DYNC1I1: variants seen among roughly 807,000 people sequenced by gnomAD.
DYNC1I1 encodes dynein cytoplasmic 1 intermediate chain 1, also known as cytoplasmic dynein 1 intermediate chain 1.
In DYNC1I1, 43 loss-of-function variants were observed where a neutral mutation model predicts 86.6. The ratio of observed to expected loss-of-function variants is 0.50; its 90% confidence interval spans 0.39 to 0.64. The LOEUF (loss-of-function observed/expected upper bound fraction) is 0.64, where lower values mean the gene tolerates loss of function less well. Among genes scored for constraint, DYNC1I1 ranks in the 30% least tolerant of loss-of-function variants. The pLI, the probability that DYNC1I1 is intolerant of heterozygous loss-of-function variation, is 0.00. For synonymous variants in DYNC1I1, 262 were observed against 283.7 expected (o/e 0.92, Z 0.77); for missense variants, 604 against 788.8 (o/e 0.77, Z 2.81).
chr7:96,012,699 A>G (rs919131471), intron 10 of DYNC1I1, among the ~76,000 whole-genome samples: 1 of 152,146 alleles, frequency 6.6e-6, no homozygotes, highest in Non-Finnish European at 1.5e-5. Context: ...CTGAATTTAC[A>G]TATACTTTGA....
chr7:95,816,018 T>TG (rs1188801759), intron 4 of DYNC1I1, among the ~76,000 whole-genome samples: 2 of 151,482 alleles, frequency 1.3e-5, no homozygotes, highest in African/African-American at 4.9e-5. Flanking sequence ...TTATTGATTT[T>TG]TTTTTTTTTT....
chr7:96,030,723 CTA>C (rs1209310641), intron 11 of DYNC1I1, among the ~76,000 whole-genome samples: 1 of 152,100 alleles, frequency 6.6e-6, no homozygotes, highest in Non-Finnish European at 1.5e-5. Context: ...TTTACTAAGT[CTA>C]TACCATTTTC....
intron 14 of DYNC1I1, among the ~76,000 whole-genome samples, chr7:96,045,683 A>T (rs1473871023): frequency 6.6e-6 from 1 of 152,168 alleles, no homozygotes; most frequent in East Asian, 1.9e-4. Context: ...GTTAGGGCAG[A>T]GCTAGGATTC....
At chr7:96,046,942 G>C (rs1350367064) in intron 14 of DYNC1I1, among the ~76,000 whole-genome samples, 1 of 152,168 alleles carries the variant, frequency 6.6e-6, no homozygotes, top group Non-Finnish European at 1.5e-5. Context: ...GAAGATATTT[G>C]TCTTAGTCCA....
intron 12 of DYNC1I1, among the ~76,000 whole-genome samples, chr7:96,034,781 G>A (rs1794893264): frequency 6.6e-6 from 1 of 152,072 alleles, no homozygotes; most frequent in Non-Finnish European, 1.5e-5. Context: ...GGACTCCTTG[G>A]CTGAAATAGT....
chr7:96,005,727 G>A (rs1365633635), intron 10 of DYNC1I1, among the ~76,000 whole-genome samples: 8 of 152,166 alleles, frequency 5.3e-5, no homozygotes, highest in African/African-American at 1.9e-4. Context: ...TGTTGAAATT[G>A]CCACTGGAAG....
chr7:96,038,440 T>G (rs1049947897), intron 13 of DYNC1I1, among the ~76,000 whole-genome samples: 9 of 152,212 alleles, frequency 5.9e-5, no homozygotes, highest in Admixed American at 2.6e-4. Flanking sequence ...TAATAACAGC[T>G]TAGTTAAATA....
At chr7:95,802,624 C>T (rs961381092) in intron 1 of DYNC1I1, 3 of 152,238 alleles carry the variant, frequency 2.0e-5, no homozygotes, top group Non-Finnish European at 2.9e-5. Flanking sequence ...CAGGTTGCCT[C>T]AACATATCCA....
intron 9 of DYNC1I1, among the ~76,000 whole-genome samples, chr7:95,994,084 T>G (rs918507573): frequency 7.2e-5 from 11 of 152,228 alleles, no homozygotes; most frequent in African/African-American, 2.2e-4. Context: ...AGAGTCCTTC[T>G]TGTTATTTTA....
At chr7:95,909,502 G>A (rs1791272603) in intron 6 of DYNC1I1, among the ~76,000 whole-genome samples, 2 of 152,048 alleles carry the variant, frequency 1.3e-5, no homozygotes, top group Non-Finnish European at 2.9e-5. Context: ...CTCACACTCT[G>A]CTGTCCTGGA....
At chr7:96,084,445 T>TC (rs1377139893) in intron 16 of DYNC1I1, among the ~76,000 whole-genome samples, 1 of 146,784 alleles carries the variant, frequency 6.8e-6, no homozygotes, top group Non-Finnish European at 1.5e-5. Flanking sequence ...TTCTTTTCTT[T>TC]TTTTTTTTTT....
intron 14 of DYNC1I1, among the ~76,000 whole-genome samples, chr7:96,044,235 A>G (rs1448329109): frequency 6.6e-6 from 1 of 152,170 alleles, no homozygotes; most frequent in Non-Finnish European, 1.5e-5. Flanking sequence ...ATAATAAAGA[A>G]CCTTTAAAAG....
intron 6 of DYNC1I1, among the ~76,000 whole-genome samples, chr7:95,928,003 G>A (rs1791790676): frequency 6.6e-6 from 1 of 152,166 alleles, no homozygotes; most frequent in Non-Finnish European, 1.5e-5. Flanking sequence ...TTGTGGTGTG[G>A]CGTGGAAGCC....
intron 4 of DYNC1I1, among the ~76,000 whole-genome samples, chr7:95,814,901 G>C (rs1794913531): frequency 6.6e-6 from 1 of 152,092 alleles, no homozygotes; most frequent in Admixed American, 6.6e-5. Flanking sequence ...CACTTCAAAA[G>C]GTCTTTGGCA....
rs75998533 is a variant in DYNC1I1, at chr7:95,891,868, C to T, written c.490+21870C>T. Among the ~76,000 whole-genome samples the T allele has an allele frequency of 1.7e-4, 26 of 152,190 alleles. No homozygotes were observed. The East Asian group carries it at 3.5e-3, about 20-fold the overall frequency. ...ATTTGTTCTGCCTGGTCTCTAGATG[C>T]CTTTCAGTGGGTGACCCCCAATTTC... On this transcript the variant is annotated intron_variant, in intron 6 of 16. Coordinates refer to ENST00000447467, the MANE Select transcript of DYNC1I1 (RefSeq NM_001135556.2).
At chr7:95,824,640 A>C (rs1434629805) in intron 4 of DYNC1I1, among the ~76,000 whole-genome samples, 1 of 152,256 alleles carries the variant, frequency 6.6e-6, no homozygotes, top group Non-Finnish European at 1.5e-5. Flanking sequence ...GCAGTTGAAT[A>C]ATCATCCTAG....
At chr7:95,823,901 C>T (rs1260273245) in intron 4 of DYNC1I1, among the ~76,000 whole-genome samples, 1 of 143,130 alleles carries the variant, frequency 7.0e-6, no homozygotes, top group Non-Finnish European at 1.5e-5. Context: ...TCCTCCAAGA[C>T]CAGGTCAAAT....
intron 6 of DYNC1I1, among the ~76,000 whole-genome samples, chr7:95,890,498 C>T (rs1485792021): frequency 6.6e-6 from 1 of 151,962 alleles, no homozygotes; most frequent in Non-Finnish European, 1.5e-5. Context: ...AGGCTTGGTA[C>T]CTGAGTGAGA....
intron 5 of DYNC1I1, among the ~76,000 whole-genome samples, chr7:95,867,606 T>C (rs182473833): frequency 1.3e-5 from 2 of 152,240 alleles, no homozygotes; most frequent in East Asian, 3.9e-4. Flanking sequence ...CCAAACGAGA[T>C]AGGGCTGCAG....
Sources: gnomAD v4.1 joint callset for allele counts (sites outside exome capture counted in the v4.1 genomes callset) on GRCh38, gnomAD v4.1.1 for gene constraint, MANE v1.5 for transcripts, NCBI Gene and HGNC (gene_info 2026-07-23, HGNC 2026-07-21) for gene names.